The following TENM2 variants were observed in gnomAD, a reference collection of about 807,000 sequenced individuals.
TENM2 encodes the protein teneurin-2.
A neutral mutation model predicts 245.2 loss-of-function variants in TENM2; 52 were observed. The ratio of observed to expected loss-of-function variants is 0.21; its 90% confidence interval spans 0.17 to 0.27. The LOEUF is 0.27. TENM2 is among the 10% of genes least tolerant of loss of function. The pLI, the probability that TENM2 is intolerant of heterozygous loss-of-function variation, is 1.00. For missense variants in TENM2, 3,046 were observed against 3,666.8 expected, an observed-to-expected ratio of 0.83 and a Z score of 4.37; for synonymous variants, 1,363 against 1,438.9, an observed-to-expected ratio of 0.95 and a Z score of 1.19.
chr5:167,064,363 G>A, the TENM2 span, among the ~76,000 whole-genome samples: 1,444 of 152,320 alleles, frequency 9.5e-3, 19 homozygotes, highest in African/African-American at 0.033. Flanking sequence ...TGCAGAAAAG[G>A]GAAGCAGCTT....
At chr5:168,210,506 C>T (rs1035084430) in intron 19 of TENM2, among the ~76,000 whole-genome samples, 3 of 152,016 alleles carry the variant, frequency 2.0e-5, no homozygotes, top group East Asian at 1.9e-4. Flanking sequence ...ATAAAATAGA[C>T]GCGAGAATTC....
chr5:167,363,096 A>G (rs1422474410), intron 1 of TENM2, among the ~76,000 whole-genome samples: 1 of 152,254 alleles, frequency 6.6e-6, no homozygotes, highest in African/African-American at 2.4e-5. Flanking sequence ...AGAACTCTCC[A>G]TCCAGGCAGA....
At chr5:167,160,538 ACT>A in the TENM2 span, among the ~76,000 whole-genome samples, 1 of 152,128 alleles carries the variant, frequency 6.6e-6, no homozygotes, top group Non-Finnish European at 1.5e-5. Context: ...TGCTTTTTCC[ACT>A]CTCTGGAATA....
intron 27 of TENM2, among the ~76,000 whole-genome samples, chr5:168,252,950 G>A (rs1767255051): frequency 6.6e-6 from 1 of 151,960 alleles, no homozygotes; most frequent in Non-Finnish European, 1.5e-5. Context: ...TAGAGCCACA[G>A]TATTTTTTGT....
At chr5:167,548,550 G>GACACAC (rs10626330) in intron 2 of TENM2, among the ~76,000 whole-genome samples, 2 of 150,948 alleles carry the variant, frequency 1.3e-5, no homozygotes, top group Non-Finnish European at 3.0e-5. Flanking sequence ...ACAGGTCACA[G>GACACAC]ACACACACAC....
At chr5:167,416,905 T>C (rs942045165) in intron 2 of TENM2, among the ~76,000 whole-genome samples, 1 of 152,206 alleles carries the variant, frequency 6.6e-6, no homozygotes, top group Non-Finnish European at 1.5e-5. Context: ...GATGATTGTT[T>C]CGAGATCATT....
At chr5:168,093,440 G>C (rs1379424523) in intron 8 of TENM2, among the ~76,000 whole-genome samples, 1 of 152,172 alleles carries the variant, frequency 6.6e-6, no homozygotes, top group African/African-American at 2.4e-5. Flanking sequence ...GTTTTATTTG[G>C]TTCAGAGGTT....
intron 5 of TENM2, among the ~76,000 whole-genome samples, chr5:168,010,139 A>C (rs2152072411): frequency 6.6e-6 from 1 of 152,350 alleles, no homozygotes; most frequent in South Asian, 2.1e-4. Context: ...CTATAGTTCA[A>C]CATACATATG....
intron 2 of TENM2, among the ~76,000 whole-genome samples, chr5:167,613,851 C>T (rs1378482006): frequency 2.6e-5 from 4 of 151,930 alleles, no homozygotes; most frequent in Admixed American, 6.6e-5. Flanking sequence ...TAAAATGCAA[C>T]GGTGGAAGAA....
At chr5:167,571,129 A>C (rs761917261) in intron 2 of TENM2, among the ~76,000 whole-genome samples, 3 of 152,186 alleles carry the variant, frequency 2.0e-5, no homozygotes, top group Non-Finnish European at 2.9e-5. Context: ...AAAGCTGTTG[A>C]GTGGGTTTCC....
the TENM2 span, among the ~76,000 whole-genome samples, chr5:167,099,994 A>G: frequency 6.6e-6 from 1 of 152,128 alleles, no homozygotes; most frequent in Non-Finnish European, 1.5e-5. Context: ...TTCAACTTCT[A>G]ACGTCTTTCC....
At chr5:167,199,632 T>C in the TENM2 span, among the ~76,000 whole-genome samples, 1 of 152,140 alleles carries the variant, frequency 6.6e-6, no homozygotes, top group Admixed American at 6.5e-5. Context: ...CTGGCCTGTC[T>C]GAATCTTTCC....
chr5:167,657,587 A>G (rs1403921519), intron 2 of TENM2, among the ~76,000 whole-genome samples: 1 of 152,362 alleles, frequency 6.6e-6, no homozygotes, highest in East Asian at 1.9e-4. Flanking sequence ...CTATTGAAGC[A>G]TAAAGCTTAA....
At chr5:167,502,189 A>G (rs903214958) in intron 2 of TENM2, among the ~76,000 whole-genome samples, 6 of 152,186 alleles carry the variant, frequency 3.9e-5, no homozygotes, top group African/African-American at 1.2e-4. Context: ...AGTGGGATGC[A>G]CTGTGGCCAT....
intron 2 of TENM2, among the ~76,000 whole-genome samples, chr5:167,605,961 T>C (rs1777013845): frequency 6.6e-6 from 1 of 152,180 alleles, no homozygotes; most frequent in African/African-American, 2.4e-5. Flanking sequence ...CTTAGGGGGC[T>C]TCTCATGCAT....
intron 2 of TENM2, among the ~76,000 whole-genome samples, chr5:167,391,622 CA>C (rs56202184): frequency 0.3 from 15,862 of 52,510 alleles, 827 homozygotes; most frequent in South Asian, 0.41. Flanking sequence ...AAGACTTCAT[CA>C]AAAAAAAAAA....
chr5:168,151,023 C>T (rs1054509420), intron 12 of TENM2, among the ~76,000 whole-genome samples: 12 of 152,116 alleles, frequency 7.9e-5, no homozygotes, highest in African/African-American at 1.9e-4. Flanking sequence ...TCTGTCAAGC[C>T]GGACACTCTC....
At chr5:167,393,127 AAAAAAAAGG>A in intron 2 of TENM2, among the ~76,000 whole-genome samples, 1 of 150,762 alleles carries the variant, frequency 6.6e-6, no homozygotes, top group East Asian at 1.9e-4. Flanking sequence ...ATCTCGGGGG[AAAAAAAAGG>A]AAAAAAAAAG....
intron 1 of TENM2, among the ~76,000 whole-genome samples, chr5:167,366,921 T>G (rs1288089821): frequency 6.6e-6 from 1 of 152,196 alleles, no homozygotes; most frequent in Non-Finnish European, 1.5e-5. Flanking sequence ...TTTAATTTCG[T>G]TGGAATTTTC....
Sources: gnomAD v4.1 joint callset for allele counts (sites outside exome capture counted in the v4.1 genomes callset) on GRCh38, gnomAD v4.1.1 for gene constraint, MANE v1.5 for transcripts, NCBI Gene and HGNC (gene_info 2026-07-23, HGNC 2026-07-21) for gene names.